The following ZCCHC4 variants were observed in gnomAD, a reference collection of about 807,000 sequenced individuals.
The protein encoded by ZCCHC4 is zinc finger CCHC-type containing 4, also known as rRNA N(6)-adenosine-methyltransferase ZCCHC4.
ZCCHC4 carries 54 observed loss-of-function variants against 67.7 expected under a neutral mutation model. The observed-to-expected ratio is 0.80, with a 90% CI of 0.64 to 1.00. ZCCHC4 has a LOEUF of 1.00. ZCCHC4 is among the 50% of genes least tolerant of loss of function. The probability of loss-of-function intolerance (pLI) is 0.00; values close to 1 mark genes in which losing one functional copy is unlikely to be tolerated. For synonymous variants in ZCCHC4, 198 were observed against 213.5 expected (o/e 0.93, Z 0.63); for missense variants, 609 against 617.0 (o/e 0.99, Z 0.14).
rs577069311 is a variant in ZCCHC4 at position 25,351,851 on chromosome 4, C to T, written c.1011+162C>T. Among the ~76,000 whole-genome samples the T allele has an allele frequency of 3.9e-5, 6 of 152,172 alleles. No individual in the cohort carries two copies. In the South Asian group the frequency reaches 1.2e-3, roughly 32 times the overall value. On this transcript the variant is annotated intron_variant, in intron 8 of 12. Transcript: ENST00000302874. ...CCAGTGTTTTCTAAATATCAGTAAT[C>T]CCTAGAGTGCATGTTGAAAATACAG...
chr4:25,326,947 A>G (rs1718912782), intron 3 of ZCCHC4, among the ~76,000 whole-genome samples: 1 of 152,182 alleles, frequency 6.6e-6, no homozygotes, highest in Non-Finnish European at 1.5e-5. Flanking sequence ...ATGTATTTTA[A>G]TGTGGTTTTA....
intron 9 of ZCCHC4, 21 bp from the exon 10 acceptor site, chr4:25,362,205 T>C (rs774781777): frequency 1.3e-6 from 2 of 1,593,930 alleles, no homozygotes; most frequent in Admixed American, 1.7e-5. Flanking sequence ...ATGCAGCTGA[T>C]TTCTCTGTCC....
intron 5 of ZCCHC4, among the ~76,000 whole-genome samples, chr4:25,344,411 A>G (rs112314228): frequency 0.016 from 2,277 of 140,334 alleles, 30 homozygotes; most frequent in South Asian, 0.044. Context: ...GAATTGAACA[A>G]TGAGAACACA....
intron 8 of ZCCHC4, among the ~76,000 whole-genome samples, chr4:25,354,911 T>A (rs1720456758): frequency 6.7e-6 from 1 of 149,386 alleles, no homozygotes; most frequent in African/African-American, 2.5e-5. Flanking sequence ...AGGCCTTTTT[T>A]TTTTTTTTTT....
intron 5 of ZCCHC4, 124 bp downstream of exon 5, chr4:25,334,112 A>G (rs1341313406): frequency 1.8e-6 from 1 of 550,192 alleles, no homozygotes; most frequent in Non-Finnish European, 3.0e-6. Flanking sequence ...GTAATTTGTT[A>G]TGAGGAAACT....
intron 5 of ZCCHC4, among the ~76,000 whole-genome samples, chr4:25,339,166 T>C (rs539071199): frequency 2.6e-5 from 4 of 152,312 alleles, no homozygotes; most frequent in African/African-American, 9.6e-5. Context: ...CAGATTGGAG[T>C]AAGGCTCACA....
chr4:25,328,360 C>T (rs892586931), intron 3 of ZCCHC4, among the ~76,000 whole-genome samples: 10 of 152,004 alleles, frequency 6.6e-5, no homozygotes, highest in Non-Finnish European at 1.5e-4. Flanking sequence ...CTACCTTGGC[C>T]TCATGAGTAG....
chr4:25,350,739 G>A (rs532644952), intron 7 of ZCCHC4, among the ~76,000 whole-genome samples: 5 of 152,286 alleles, frequency 3.3e-5, no homozygotes, highest in African/African-American at 1.2e-4. Context: ...ATATTGTTAA[G>A]TATTTCACTT....
intron 2 of ZCCHC4, 25 bp from the exon 3 acceptor site, chr4:25,315,293 C>A: frequency 6.3e-7 from 1 of 1,587,210 alleles, no homozygotes; most frequent in Non-Finnish European, 8.6e-7. Flanking sequence ...ACAGTTTATT[C>A]AATGGGTTTT....
intron 3 of ZCCHC4, among the ~76,000 whole-genome samples, chr4:25,324,014 G>GTTTCTTTTTTTTTT (rs1553895906): frequency 1.2e-5 from 1 of 82,448 alleles, no homozygotes; most frequent in Non-Finnish European, 2.1e-5. Context: ...TGTTTTTTGT[G>GTTTCTTTTTTTTTT]TTTTTTTTTT....
intron 3 of ZCCHC4, among the ~76,000 whole-genome samples, chr4:25,318,328 T>A (rs1336940463): frequency 2.0e-5 from 3 of 149,594 alleles, no homozygotes; most frequent in South Asian, 2.1e-4. Context: ...CCACTGTTCT[T>A]TTTTTTTTTT....
At chr4:25,347,649 T>C (rs1720086890) in intron 6 of ZCCHC4, among the ~76,000 whole-genome samples, 1 of 152,250 alleles carries the variant, frequency 6.6e-6, no homozygotes, top group Non-Finnish European at 1.5e-5. Flanking sequence ...AAGTGTCGGC[T>C]CAGTGCCTTT....
intron 11 of ZCCHC4, 52 bp from the exon 12 acceptor site, chr4:25,364,970 T>G: frequency 6.2e-7 from 1 of 1,608,146 alleles, no homozygotes; most frequent in Non-Finnish European, 8.5e-7. Context: ...GTTAATAAGA[T>G]GAAAAATTAC....
chr4:25,327,386 C>A (rs906032271), intron 3 of ZCCHC4, among the ~76,000 whole-genome samples: 1 of 139,134 alleles, frequency 7.2e-6, no homozygotes, highest in African/African-American at 3.0e-5. Context: ...ATCTCCCTCC[C>A]TCCCTCCCTC....
intron 5 of ZCCHC4, among the ~76,000 whole-genome samples, chr4:25,343,224 C>T (rs1037339908): frequency 3.0e-4 from 45 of 152,028 alleles, no homozygotes; most frequent in African/African-American, 1.0e-3. Flanking sequence ...CATTAGGTTA[C>T]GGTATATAGT....
chr4:25,325,306 T>TC lies in ZCCHC4; in HGVS notation c.330-7877_330-7876insC, dbSNP rs1353356658. Among the ~76,000 whole-genome samples, 26 of 50,540 alleles carry TC rather than the reference T, an allele frequency of 5.1e-4. 1 individual carries two copies. Among genetic ancestry groups the TC allele is most frequent in the Non-Finnish European group, 9.4e-4 (12 of 12,820 alleles). 33.2% of individuals were successfully genotyped at this position (50,540 alleles called of 152,430 possible). ...TCTTGGGTCGTCTTTTCACTCTCTC[T>TC]TTTTTTTTTTTTTGGCAGTGGTGCC... On this transcript the variant is annotated intron_variant, in intron 3 of 12. Coordinates refer to ENST00000302874, the MANE Select transcript of ZCCHC4 (RefSeq NM_024936.3).
At chr4:25,348,754 G>A (rs1185818103) in intron 6 of ZCCHC4, among the ~76,000 whole-genome samples, 1 of 152,130 alleles carries the variant, frequency 6.6e-6, no homozygotes, top group African/African-American at 2.4e-5. Context: ...ATACTGAGGG[G>A]ACTGTACTTG....
chr4:25,366,081 A>T (rs1377471989), intron 12 of ZCCHC4: 1 of 973,858 alleles, frequency 1.0e-6, no homozygotes, highest in African/African-American at 1.8e-5. Context: ...TGTTAGAAAT[A>T]TCTGATAGTT....
At chr4:25,349,982 T>C (rs999454529) in intron 7 of ZCCHC4, among the ~76,000 whole-genome samples, 2 of 152,134 alleles carry the variant, frequency 1.3e-5, no homozygotes, top group Non-Finnish European at 2.9e-5. Context: ...GTACTAGGAA[T>C]AGATTTTTGA....
Sources: gnomAD v4.1 joint callset for allele counts (sites outside exome capture counted in the v4.1 genomes callset) on GRCh38, gnomAD v4.1.1 for gene constraint, MANE v1.5 for transcripts, NCBI Gene and HGNC (gene_info 2026-07-23, HGNC 2026-07-21) for gene names.